The following AGAP1 variants were observed in gnomAD, a reference collection of about 807,000 sequenced individuals.
The protein encoded by AGAP1 is arf-GAP with GTPase, ANK repeat and PH domain-containing protein 1.
A neutral mutation model predicts 105.3 loss-of-function variants in AGAP1; 29 were observed. The ratio of observed to expected loss-of-function variants is 0.28; its 90% CI spans 0.21 to 0.38. The LOEUF is 0.38. Ranked by LOEUF, AGAP1 falls within the 10% of genes least tolerant of loss-of-function variation. The pLI, the probability that AGAP1 is intolerant of heterozygous loss-of-function variation, is 1.00. For synonymous variants in AGAP1, 509 were observed against 485.9 expected, an observed-to-expected ratio of 1.05 and a Z score of -0.63; for missense variants, 998 against 1,165.1, an observed-to-expected ratio of 0.86 and a Z score of 2.09.
At chr2:235,846,337 A>G (rs1961486512) in intron 9 of AGAP1, among the ~76,000 whole-genome samples, 2 of 152,050 alleles carry the variant, frequency 1.3e-5, no homozygotes. Flanking sequence ...TTTATTATTT[A>G]TTTATTGACA....
intron 1 of AGAP1, among the ~76,000 whole-genome samples, chr2:235,521,545 C>G (rs1942613711): frequency 6.6e-6 from 1 of 152,060 alleles, no homozygotes. Flanking sequence ...CTTATATAAC[C>G]TCCTGCTTGG....
chr2:236,097,791 A>T (rs2059231752), intron 16 of AGAP1, among the ~76,000 whole-genome samples: 1 of 151,794 alleles, frequency 6.6e-6, no homozygotes, highest in South Asian at 2.1e-4. Context: ...ATTACCCCAA[A>T]CTGAAACTTT....
chr2:235,691,971 T>C lies in AGAP1; in HGVS notation c.164-17208T>C, dbSNP rs1949754055. On this transcript the variant is annotated intron_variant, in intron 1 of 17. Transcript: ENST00000304032. The surrounding 1 kb of genome is among the most constrained non-coding windows in gnomAD (Gnocchi z 4.4). ...TTTCAGAGAAATAACAGCATCACGA[T>C]AGCACATTCTCTAGTTGCTGGTTAT... 6.6e-6 allele frequency among the ~76,000 whole-genome samples: 1 copy of C among 152,214 alleles called. No individual in the cohort carries two copies.
At chr2:235,933,219 T>C (rs1373053537) in intron 12 of AGAP1, among the ~76,000 whole-genome samples, 1 of 152,130 alleles carries the variant, frequency 6.6e-6, no homozygotes, top group Admixed American at 6.5e-5. Context: ...GATGGATTTT[T>C]TTGTGCAAAA....
At chr2:235,871,113 G>A (rs989691179) in intron 9 of AGAP1, among the ~76,000 whole-genome samples, 3 of 152,190 alleles carry the variant, frequency 2.0e-5, no homozygotes, top group Non-Finnish European at 4.4e-5. Context: ...CATTGAAGGG[G>A]TCCTCATTCT....
chr2:235,780,190 G>A (rs1956172052), intron 6 of AGAP1, among the ~76,000 whole-genome samples: 1 of 152,094 alleles, frequency 6.6e-6, no homozygotes, highest in Non-Finnish European at 1.5e-5. Context: ...TCAAGAAGAA[G>A]ATAGTTTGTT....
At chr2:236,021,917 G>C (rs1005420501) in intron 13 of AGAP1, among the ~76,000 whole-genome samples, 1 of 151,950 alleles carries the variant, frequency 6.6e-6, no homozygotes, top group South Asian at 2.1e-4. Context: ...AAATTAGCCA[G>C]GTGTGGTGGC....
intron 1 of AGAP1, among the ~76,000 whole-genome samples, chr2:235,658,851 G>T (rs899069168): frequency 2.6e-5 from 4 of 152,152 alleles, no homozygotes; most frequent in African/African-American, 9.7e-5. Context: ...CCTCCCCCTC[G>T]GAATACCCGT....
intron 1 of AGAP1, among the ~76,000 whole-genome samples, chr2:235,526,315 C>T (rs1942836670): frequency 6.6e-6 from 1 of 152,216 alleles, no homozygotes; most frequent in East Asian, 1.9e-4. Context: ...TCTAGGTTCT[C>T]TTGATTGACA....
In AGAP1 at chr2:235,844,622, A is replaced by T. The variant is rs1218679195; in HGVS notation, c.1050+37291A>T. Among the ~76,000 whole-genome samples, 101 of 152,068 alleles carry T rather than the reference A, an allele frequency of 6.6e-4. 1 individual carries two copies. Among genetic ancestry groups the T allele is most frequent in the Admixed American group, 6.6e-3 (101 of 15,270 alleles). On this transcript the variant is annotated intron_variant, in intron 9 of 17. Coordinates refer to ENST00000304032, the MANE Select transcript of AGAP1 (RefSeq NM_001037131.3). ...GCTCCTGCAGCTTGGCACGGCATTT[A>T]AGGCTCCCCCTGACCGATGTCTGCC...
chr2:235,559,010 C>G lies in AGAP1; in HGVS notation c.163+64161C>G, dbSNP rs1944063732. 6.6e-6 allele frequency among the ~76,000 whole-genome samples: 1 copy of G among 152,122 alleles called. No homozygotes were observed. The highest frequency in any genetic ancestry group is 2.4e-5 in the African/African-American group (1 of 41,422). ...TGATCTCTGCTCACTGCAGCCTTCG[C>G]CTCCCAGGCTCAAGAAATTCTCCCA... On this transcript the variant is annotated intron_variant, in intron 1 of 17. Transcript: ENST00000304032. This position sits in a 1 kb window ranked among gnomAD's most constrained non-coding sequence, Gnocchi z 5.7.
At chr2:235,746,377 CTTTTTTTTTTTTTTTTTTTT>C (rs1172393048) in intron 5 of AGAP1, among the ~76,000 whole-genome samples, 7 of 55,548 alleles carry the variant, frequency 1.3e-4, no homozygotes, top group Non-Finnish European at 1.8e-4. Flanking sequence ...CCTCCCCCAA[CTTTTTTTTTTTTTTTTTTTT>C]TTTTTTTTTT....
chr2:235,722,396 G>A (rs2675124), intron 3 of AGAP1, among the ~76,000 whole-genome samples: 27,671 of 152,086 alleles, frequency 0.18, 3,376 homozygotes, highest in East Asian at 0.36. Context: ...CATGACCTGT[G>A]GCTGGTATAC....
chr2:235,694,931 A>C (rs922898510), intron 1 of AGAP1, among the ~76,000 whole-genome samples: 1 of 151,774 alleles, frequency 6.6e-6, no homozygotes, highest in African/African-American at 2.4e-5. Flanking sequence ...GGTTTAACCC[A>C]AAGGCAAGCA....
At chr2:235,990,157 A>T (rs532938660) in intron 13 of AGAP1, among the ~76,000 whole-genome samples, 5 of 152,326 alleles carry the variant, frequency 3.3e-5, no homozygotes, top group African/African-American at 1.2e-4. Flanking sequence ...TATTGGTTTA[A>T]ATCAAATTGC....
At chr2:235,852,056 A>G (rs1488287447) in intron 9 of AGAP1, among the ~76,000 whole-genome samples, 1 of 152,230 alleles carries the variant, frequency 6.6e-6, no homozygotes, top group Non-Finnish European at 1.5e-5. Flanking sequence ...CGACTCTGAA[A>G]CAAGGTGCCA....
rs1478045294 is a variant in AGAP1, at chr2:236,003,520, C to G, written c.1646-33041C>G. On this transcript the variant is annotated intron_variant, in intron 13 of 17. Coordinates refer to ENST00000304032, the MANE Select transcript of AGAP1 (RefSeq NM_001037131.3). The surrounding 1 kb of genome is among the most constrained non-coding windows in gnomAD (Gnocchi z 4.2). ...TGGACTCTGAGCACAGACAAGGGAC[C>G]CATGGCCCAGAGCCCAGAGTCACCC... Among the ~76,000 whole-genome samples, 2 of 152,206 alleles carry G rather than the reference C, an allele frequency of 1.3e-5. No individual in the cohort carries two copies. Among genetic ancestry groups the G allele is most frequent in the African/African-American group, 4.8e-5 (2 of 41,454 alleles).
chr2:236,042,635 T>C lies in AGAP1; in HGVS notation c.1891+1794T>C, dbSNP rs567954321. On this transcript the variant is annotated intron_variant, in intron 15 of 17. Coordinates refer to ENST00000304032, the MANE Select transcript of AGAP1 (RefSeq NM_001037131.3). This position sits in a 1 kb window ranked among gnomAD's most constrained non-coding sequence, Gnocchi z 5.6. ...TTTAAAAGGAAAGCCATCCGTGGCT[T>C]GCGGGGACCATGATACCTGGCAAAT... Among the ~76,000 whole-genome samples, 1 of 152,194 alleles carries C rather than the reference T, an allele frequency of 6.6e-6. No homozygotes were observed. The highest frequency in any genetic ancestry group is 1.5e-5 in the Non-Finnish European group (1 of 68,018).
rs545239755 is a variant in AGAP1, at chr2:236,120,753, G to A, written c.2370+306G>A. Among the ~76,000 whole-genome samples the A allele has an allele frequency of 1.0e-3, 152 of 152,124 alleles. No individual in the cohort carries two copies. The highest frequency in any genetic ancestry group is 1.9e-3 in the Non-Finnish European group (132 of 68,032). Reference sequence around the variant, plus strand: ...TCTGGAGAGAAGGCGGTGTATTAACGGGATGGCTTGTAGGGTTTCCCCATT... The same window carrying A: ...TCTGGAGAGAAGGCGGTGTATTAACAGGATGGCTTGTAGGGTTTCCCCATT... On this transcript the variant is annotated intron_variant, in intron 17 of 17. Transcript: ENST00000304032. The surrounding 1 kb of genome is among the most constrained non-coding windows in gnomAD (Gnocchi z 6.0).
Sources: gnomAD v4.1 joint callset for allele counts (sites outside exome capture counted in the v4.1 genomes callset) on GRCh38, gnomAD v4.1.1 for gene constraint, Gnocchi (gnomAD v3.1) non-coding constraint, MANE v1.5 for transcripts, NCBI Gene and HGNC (gene_info 2026-07-23, HGNC 2026-07-21) for gene names.